CDH4: variants seen among roughly 807,000 people sequenced by gnomAD.
CDH4 encodes cadherin 4.
Under a neutral mutation model 86.0 loss-of-function variants are expected in CDH4, and 33 were observed. The ratio of observed to expected loss-of-function variants is 0.38; its 90% CI spans 0.29 to 0.51. CDH4 has a LOEUF of 0.51. CDH4 is among the 20% of genes least tolerant of loss of function. The pLI is 0.86. For missense variants in CDH4, 1,114 were observed against 1,307.4 expected (o/e 0.85, Z 2.28); for synonymous variants, 555 against 549.4 (o/e 1.01, Z -0.14).
intron 2 of CDH4, among the ~76,000 whole-genome samples, chr20:61,275,015 C>T (rs66634326): frequency 0.57 from 74,817 of 131,468 alleles, 20,661 homozygotes; most frequent in South Asian, 0.66. Flanking sequence ...AAGCACCATG[C>T]GCAGTTAGGG....
intron 1 of CDH4, among the ~76,000 whole-genome samples, chr20:61,253,336 T>G (rs951918553): frequency 6.6e-6 from 1 of 151,478 alleles, no homozygotes; most frequent in African/African-American, 2.4e-5. Context: ...GCGGGCCGGA[T>G]TGCCAGCTTT....
At chr20:61,399,746 C>T (rs1220043182) in intron 2 of CDH4, among the ~76,000 whole-genome samples, 1 of 152,220 alleles carries the variant, frequency 6.6e-6, no homozygotes, top group Non-Finnish European at 1.5e-5. Context: ...TTCAACCTGC[C>T]TCTTTTTTAG....
chr20:61,632,362 C>T (rs906898176), intron 2 of CDH4, among the ~76,000 whole-genome samples: 5 of 152,150 alleles, frequency 3.3e-5, no homozygotes, highest in African/African-American at 4.8e-5. Context: ...CCCCAACAAT[C>T]GACCCTGTGC....
chr20:61,828,485 TAGAA>T (rs1162589966), intron 4 of CDH4, among the ~76,000 whole-genome samples: 3 of 152,208 alleles, frequency 2.0e-5, no homozygotes, highest in East Asian at 1.9e-4. Flanking sequence ...CACAAGAAGA[TAGAA>T]AGAGAGGGAG....
intron 2 of CDH4, among the ~76,000 whole-genome samples, chr20:61,728,835 C>T (rs1027856343): frequency 6.6e-6 from 1 of 152,152 alleles, no homozygotes; most frequent in East Asian, 1.9e-4. Flanking sequence ...CGCACTTCTC[C>T]ACACCGTTAA....
chr20:61,804,749 C>T (rs1344187659), intron 4 of CDH4, among the ~76,000 whole-genome samples: 1 of 152,208 alleles, frequency 6.6e-6, no homozygotes, highest in Admixed American at 6.5e-5. Flanking sequence ...GAGGCATCAC[C>T]ATCTAAGTAC....
At chr20:61,520,764 A>AC (rs1236519837) in intron 2 of CDH4, among the ~76,000 whole-genome samples, 4 of 151,864 alleles carry the variant, frequency 2.6e-5, no homozygotes, top group East Asian at 3.9e-4. Context: ...AGACTTAACA[A>AC]CCCCCCGTAC....
chr20:61,603,969 A>G (rs1036317450), intron 2 of CDH4, among the ~76,000 whole-genome samples: 3 of 152,156 alleles, frequency 2.0e-5, no homozygotes, highest in Non-Finnish European at 4.4e-5. Context: ...GTACATGAGC[A>G]GGGACATACG....
At chr20:61,555,672 C>T (rs1341348223) in intron 2 of CDH4, among the ~76,000 whole-genome samples, 6 of 152,198 alleles carry the variant, frequency 3.9e-5, no homozygotes, top group African/African-American at 1.2e-4. Context: ...ACATAAATAG[C>T]GATTCCATTT....
chr20:61,459,793 C>T (rs562625305), intron 2 of CDH4, among the ~76,000 whole-genome samples: 1 of 152,028 alleles, frequency 6.6e-6, no homozygotes, highest in Non-Finnish European at 1.5e-5. Context: ...TTCCCCCAGG[C>T]TCACATGAGC....
chr20:61,784,295 G>A (rs112691420), intron 4 of CDH4, among the ~76,000 whole-genome samples: 2 of 12,964 alleles, frequency 1.5e-4, no homozygotes, highest in Middle Eastern at 0.029. Flanking sequence ...AGGCCCTCAG[G>A]TGTCTTGTGC....
intron 2 of CDH4, among the ~76,000 whole-genome samples, chr20:61,632,615 C>T (rs1396133065): frequency 2.6e-5 from 4 of 151,950 alleles, no homozygotes; most frequent in East Asian, 1.9e-4. Context: ...TCCACCCACT[C>T]GTCTGCTCAC....
At chr20:61,546,938 CA>C (rs2086091733) in intron 2 of CDH4, among the ~76,000 whole-genome samples, 1 of 152,080 alleles carries the variant, frequency 6.6e-6, no homozygotes, top group Admixed American at 6.5e-5. Context: ...TCTCCGTGCC[CA>C]CGCTCCAGGA....
intron 2 of CDH4, among the ~76,000 whole-genome samples, chr20:61,288,624 G>T (rs1028174778): frequency 6.6e-6 from 1 of 152,202 alleles, no homozygotes; most frequent in African/African-American, 2.4e-5. Flanking sequence ...CGGTTACCAC[G>T]GGGCCAGGCA....
chr20:61,565,281 A>C (rs1489646144), intron 2 of CDH4, among the ~76,000 whole-genome samples: 1 of 56,430 alleles, frequency 1.8e-5, no homozygotes, highest in African/African-American at 9.0e-5. Context: ...CCTCTTGGTG[A>C]TGGGGTGATG....
At chr20:61,715,421 C>T (rs1021068653) in intron 2 of CDH4, among the ~76,000 whole-genome samples, 1 of 152,146 alleles carries the variant, frequency 6.6e-6, no homozygotes, top group African/African-American at 2.4e-5. Flanking sequence ...GCTTTGGCAC[C>T]TGGTGTGGGC....
At chr20:61,809,166 C>T (rs981492393) in intron 4 of CDH4, among the ~76,000 whole-genome samples, 11 of 152,228 alleles carry the variant, frequency 7.2e-5, no homozygotes, top group African/African-American at 2.4e-4. Context: ...TCCGCGAATC[C>T]GGGTGGTGTC....
intron 2 of CDH4, among the ~76,000 whole-genome samples, chr20:61,601,875 G>A (rs1173835378): frequency 1.3e-5 from 2 of 152,224 alleles, no homozygotes; most frequent in East Asian, 1.9e-4. Flanking sequence ...GCAGTGTCGC[G>A]TTCAGTTGGA....
chr20:61,887,977 A>G (rs1409826015), intron 7 of CDH4, among the ~76,000 whole-genome samples: 2 of 152,224 alleles, frequency 1.3e-5, no homozygotes, highest in East Asian at 3.8e-4. Flanking sequence ...GAGGCTGCTG[A>G]GAGCCCCCTG....
Sources: gnomAD v4.1 joint callset for allele counts (sites outside exome capture counted in the v4.1 genomes callset) on GRCh38, gnomAD v4.1.1 for gene constraint, MANE v1.5 for transcripts, NCBI Gene and HGNC (gene_info 2026-07-23, HGNC 2026-07-21) for gene names.